Variants in CACNA2D1 observed in about 807,000 individuals in gnomAD.
CACNA2D1 encodes the protein calcium voltage-gated channel auxiliary subunit alpha2delta 1, also known as voltage-dependent calcium channel subunit alpha-2/delta-1.
CACNA2D1 carries 53 observed loss-of-function variants against 171.5 expected under a neutral mutation model. The observed-to-expected ratio is 0.31, with a 90% CI of 0.25 to 0.39. The LOEUF (loss-of-function observed/expected upper bound fraction) is 0.39, where lower values mean the gene tolerates loss of function less well. Ranked by LOEUF, CACNA2D1 falls within the 10% of genes least tolerant of loss-of-function variation. CACNA2D1 has a pLI of 1.00. For missense variants in CACNA2D1, 903 were observed against 1,299.8 expected (o/e 0.69, Z 4.69); for synonymous variants, 442 against 443.1 (o/e 1.00, Z 0.03).
At chr7:81,952,521 T>TC (rs1431854022) in intron 38 of CACNA2D1, among the ~76,000 whole-genome samples, 3 of 152,274 alleles carry the variant, frequency 2.0e-5, no homozygotes, top group African/African-American at 7.2e-5. Flanking sequence ...TTCTTAGTCT[T>TC]CATCCTCTTT....
rs7785801 is a variant in CACNA2D1 at position 82,154,731 on chromosome 7, A to C, written c.354+15819T>G. 9.1e-3 allele frequency among the ~76,000 whole-genome samples: 1,382 copies of C among 152,294 alleles called. 22 individuals are homozygous for C. The highest frequency in any genetic ancestry group is 0.031 in the African/African-American group (1,301 of 41,562). On this transcript the variant is annotated intron_variant, in intron 4 of 38. Transcript: ENST00000356860. ...CCATATTCTGTTTTCAGATTGTATA[A>C]ATCTTTGCCTTTTATAAAAAATGAA...
At chr7:82,123,639 G>T (rs770904041) in intron 5 of CACNA2D1, among the ~76,000 whole-genome samples, 1 of 152,150 alleles carries the variant, frequency 6.6e-6, no homozygotes, top group African/African-American at 2.4e-5. Flanking sequence ...CAGTGTTCCA[G>T]CTCTGGATCA....
chr7:82,086,315 T>C (rs1381669098), intron 6 of CACNA2D1, among the ~76,000 whole-genome samples: 1 of 152,204 alleles, frequency 6.6e-6, no homozygotes, highest in African/African-American at 2.4e-5. Context: ...AACAAGGTGA[T>C]TGTGAAACTC....
chr7:81,988,431 A>T (rs1160320301), intron 21 of CACNA2D1, among the ~76,000 whole-genome samples: 1 of 152,176 alleles, frequency 6.6e-6, no homozygotes, highest in Non-Finnish European at 1.5e-5. Context: ...GTGTTTTGCA[A>T]TATGCTCTCC....
chr7:82,382,632 G>C (rs1823836716), intron 1 of CACNA2D1, among the ~76,000 whole-genome samples: 1 of 152,198 alleles, frequency 6.6e-6, no homozygotes, highest in African/African-American at 2.4e-5. Flanking sequence ...CCTTAAATCA[G>C]AGAATGACCT....
intron 3 of CACNA2D1, among the ~76,000 whole-genome samples, chr7:82,322,095 C>A (rs1222113969): frequency 8.1e-6 from 1 of 122,934 alleles, no homozygotes; most frequent in Non-Finnish European, 1.6e-5. Flanking sequence ...CACTGCACTC[C>A]AGCCTGGGTG....
chr7:82,348,791 G>A (rs776278190), intron 2 of CACNA2D1, among the ~76,000 whole-genome samples: 2 of 151,960 alleles, frequency 1.3e-5, no homozygotes, highest in Non-Finnish European at 2.9e-5. Flanking sequence ...GAAAATAAAA[G>A]GCCTCATTGC....
chr7:82,166,513 A>G (rs1206967579), intron 4 of CACNA2D1, among the ~76,000 whole-genome samples: 1 of 152,088 alleles, frequency 6.6e-6, no homozygotes, highest in East Asian at 1.9e-4. Flanking sequence ...CCTTGGAAAC[A>G]AAATTGCTTT....
At chr7:82,078,403 G>A (rs1485963753) in intron 7 of CACNA2D1, among the ~76,000 whole-genome samples, 7 of 152,142 alleles carry the variant, frequency 4.6e-5, no homozygotes, top group Admixed American at 4.6e-4. Context: ...ATTAACAGGT[G>A]AAATGACCAG....
intron 3 of CACNA2D1, among the ~76,000 whole-genome samples, chr7:82,177,286 G>C (rs898314928): frequency 6.6e-6 from 1 of 151,918 alleles, no homozygotes; most frequent in Non-Finnish European, 1.5e-5. Context: ...TCCCTACACA[G>C]AGCAATCACC....
chr7:82,178,767 C>T (rs1796812776), intron 3 of CACNA2D1, among the ~76,000 whole-genome samples: 1 of 152,088 alleles, frequency 6.6e-6, no homozygotes, highest in South Asian at 2.1e-4. Context: ...AGTTCTATAA[C>T]CTCATGCTAT....
intron 1 of CACNA2D1, among the ~76,000 whole-genome samples, chr7:82,405,942 A>G (rs1826986004): frequency 6.6e-6 from 1 of 152,168 alleles, no homozygotes; most frequent in Non-Finnish European, 1.5e-5. Flanking sequence ...CACAACGTGC[A>G]GGTTTGTTAC....
intron 3 of CACNA2D1, among the ~76,000 whole-genome samples, chr7:82,213,777 C>T (rs1800807676): frequency 6.6e-6 from 1 of 151,892 alleles, no homozygotes; most frequent in South Asian, 2.1e-4. Context: ...CAGACTCAGG[C>T]TTTTTTTTAG....
intron 2 of CACNA2D1, among the ~76,000 whole-genome samples, chr7:82,342,215 T>C (rs535801666): frequency 2.0e-5 from 3 of 152,266 alleles, no homozygotes; most frequent in Non-Finnish European, 4.4e-5. Context: ...TTGCTACTTA[T>C]AAGCATGTGC....
chr7:82,291,185 T>C lies in CACNA2D1; in HGVS notation c.294+43950A>G, dbSNP rs1216862626. The stretch of plus-strand genomic sequence containing the variant: ...ATCGATATAGAATTATAATTCTATA[T>C]CGATATAGAATTCTATATCTATAAA... On this transcript the variant is annotated intron_variant, in intron 3 of 38. Transcript: ENST00000356860. Among the ~76,000 whole-genome samples, 2 of 129,304 alleles carry C rather than the reference T, an allele frequency of 1.5e-5. 1 individual carries two copies. Among genetic ancestry groups the C allele is most frequent in the East Asian group, 4.1e-4 (2 of 4,844 alleles). 84.8% of individuals were successfully genotyped at this position (129,304 alleles called of 152,430 possible).
intron 3 of CACNA2D1, among the ~76,000 whole-genome samples, chr7:82,199,473 C>A (rs751365634): frequency 6.6e-6 from 1 of 152,006 alleles, no homozygotes; most frequent in Non-Finnish European, 1.5e-5. Flanking sequence ...AGCTTTTATT[C>A]TTTAATAAAC....
intron 3 of CACNA2D1, among the ~76,000 whole-genome samples, chr7:82,332,101 C>T (rs973382496): frequency 9.2e-5 from 14 of 152,052 alleles, no homozygotes; most frequent in Non-Finnish European, 1.6e-4. Context: ...TGCTCTTTCG[C>T]GCAGGCTGGA....
chr7:82,044,389 T>C (rs1804303898), intron 10 of CACNA2D1, among the ~76,000 whole-genome samples: 1 of 152,220 alleles, frequency 6.6e-6, no homozygotes, highest in African/African-American at 2.4e-5. Flanking sequence ...TCTTAATGTT[T>C]TATTTTCTCT....
At chr7:82,216,906 AAAG>A (rs1801170587) in intron 3 of CACNA2D1, among the ~76,000 whole-genome samples, 2 of 151,700 alleles carry the variant, frequency 1.3e-5, no homozygotes, top group Non-Finnish European at 1.5e-5. Flanking sequence ...AAAAAAAAAA[AAAG>A]AAAGCTGGTT....
Sources: allele counts gnomAD v4.1 joint callset (sites outside exome capture counted in the v4.1 genomes callset), GRCh38; gene constraint gnomAD v4.1.1; transcripts MANE v1.5; gene names NCBI Gene and HGNC (gene_info 2026-07-23, HGNC 2026-07-21).